Variants in ATP13A4 observed in about 807,000 individuals in gnomAD.
ATP13A4 encodes the protein ATPase 13A4.
In ATP13A4, 114 loss-of-function variants were observed where a neutral mutation model predicts 142.5. That is an observed-to-expected ratio of 0.80 (90% CI 0.69 to 0.93). The LOEUF (loss-of-function observed/expected upper bound fraction) is 0.93. Ranked by LOEUF, ATP13A4 falls within the 40% of genes least tolerant of loss-of-function variation. ATP13A4 has a pLI of 0.00. For missense variants in ATP13A4, 1,392 were observed against 1,454.0 expected, an observed-to-expected ratio of 0.96 and a Z score of 0.69; for synonymous variants, 488 against 514.8, an observed-to-expected ratio of 0.95 and a Z score of 0.70.
At chr3:193,581,248 A>G (rs1040255326) in intron 2 of ATP13A4, among the ~76,000 whole-genome samples, 1 of 152,226 alleles carries the variant, frequency 6.6e-6, no homozygotes, top group African/African-American at 2.4e-5. Context: ...TGTTATTCAC[A>G]ATGTAAAACC....
chr3:193,435,860 G>T (rs1170273091), intron 23 of ATP13A4, 116 bp from the exon 24 acceptor site: 1 of 900,184 alleles, frequency 1.1e-6, no homozygotes, highest in Non-Finnish European at 1.8e-6. Flanking sequence ...TTATACGACT[G>T]TCTGTCTGAA....
chr3:193,576,350 C>A (rs1408344762), intron 2 of ATP13A4, among the ~76,000 whole-genome samples: 1 of 137,854 alleles, frequency 7.3e-6, no homozygotes, highest in Non-Finnish European at 1.5e-5. Flanking sequence ...CGGCTCACTG[C>A]AAGCTCCGCT....
intron 11 of ATP13A4, among the ~76,000 whole-genome samples, chr3:193,465,601 C>T (rs1007976589): frequency 6.2e-4 from 92 of 147,974 alleles, no homozygotes; most frequent in African/African-American, 2.3e-3. Flanking sequence ...CAATAAAAAA[C>T]CCATGTGATT....
At chr3:193,526,978 T>C (rs1317905701) in intron 1 of ATP13A4, among the ~76,000 whole-genome samples, 2 of 152,220 alleles carry the variant, frequency 1.3e-5, no homozygotes, top group Non-Finnish European at 2.9e-5. Context: ...ATGATTGAGA[T>C]CCACTTTTAC....
rs572519990 is a variant in ATP13A4, at chr3:193,409,882, A to T, written c.3297+1100T>A. On this transcript the variant is annotated intron_variant, in intron 28 of 29. Transcript: ENST00000342695. ...AGTCATTCCTTTGTCATTTTTTGAC[A>T]TTCTTTGTGGAAGGCACTGGTAATA... Among the ~76,000 whole-genome samples, 222 of 152,324 alleles carry T rather than the reference A, an allele frequency of 1.5e-3. 1 individual carries two copies. Among genetic ancestry groups the T allele is most frequent in the African/African-American group, 5.2e-3 (216 of 41,578 alleles).
At chr3:193,415,786 T>C (rs1715028930) in intron 25 of ATP13A4, among the ~76,000 whole-genome samples, 1 of 152,130 alleles carries the variant, frequency 6.6e-6, no homozygotes, top group Admixed American at 6.5e-5. Flanking sequence ...AAAATAACCA[T>C]CTAAAGCCTG....
intron 24 of ATP13A4, among the ~76,000 whole-genome samples, chr3:193,435,257 C>CT (rs11391745): frequency 0.73 from 110,133 of 151,540 alleles, 40,363 homozygotes; most frequent in Admixed American, 0.77. Context: ...ATAATCAGGT[C>CT]TTTTTTTTCA....
chr3:193,415,496 C>G (rs896859184), intron 25 of ATP13A4, among the ~76,000 whole-genome samples: 3 of 152,204 alleles, frequency 2.0e-5, no homozygotes, highest in African/African-American at 2.4e-5. Flanking sequence ...TTGATCCACC[C>G]CCTACTCAGC....
chr3:193,568,230 G>A (rs755219125), intron 2 of ATP13A4, among the ~76,000 whole-genome samples: 10 of 152,038 alleles, frequency 6.6e-5, no homozygotes, highest in Non-Finnish European at 1.3e-4. Context: ...CAAAGTGCTG[G>A]GATTACAGGC....
chr3:193,560,587 C>G (rs1723993072), intron 2 of ATP13A4, among the ~76,000 whole-genome samples: 1 of 152,144 alleles, frequency 6.6e-6, no homozygotes, highest in Non-Finnish European at 1.5e-5. Flanking sequence ...ACTTCATTTG[C>G]CAAGCATAGA....
chr3:193,483,799 T>C (rs2108658532), intron 8 of ATP13A4, 137 bp downstream of exon 8: 1 of 818,744 alleles, frequency 1.2e-6, no homozygotes, highest in Middle Eastern at 3.5e-4. Flanking sequence ...AAAACTTAAG[T>C]TCCTCATCCC....
At chr3:193,525,760 T>C (rs2108695744) in intron 1 of ATP13A4, among the ~76,000 whole-genome samples, 1 of 152,288 alleles carries the variant, frequency 6.6e-6, no homozygotes, top group South Asian at 2.1e-4. Flanking sequence ...CCAGAACAAC[T>C]CTGTGTCTAT....
At chr3:193,417,744 G>A (rs568596694) in intron 25 of ATP13A4, among the ~76,000 whole-genome samples, 43 of 137,374 alleles carry the variant, frequency 3.1e-4, no homozygotes, top group Non-Finnish European at 4.6e-4. Flanking sequence ...CCAGCACTTC[G>A]GGAGGCCGAG....
rs566773990 is a variant in ATP13A4, at chr3:193,523,793, C to T, written c.61-8922G>A. Among the ~76,000 whole-genome samples the T allele has an allele frequency of 3.3e-5, 5 of 152,276 alleles. No homozygotes were observed. In the South Asian group the frequency reaches 8.3e-4, roughly 25 times the overall value. ...TCACATCGAAATTTGACCCCCAGTA[C>T]GGCTGTGTTGGGAGGTGGAATCTAG... is the stretch of plus-strand genomic sequence containing the variant. On this transcript the variant is annotated intron_variant, in intron 1 of 29. Transcript: ENST00000342695.
intron 28 of ATP13A4, among the ~76,000 whole-genome samples, chr3:193,407,639 CT>C (rs1166589111): frequency 1.3e-5 from 2 of 152,046 alleles, no homozygotes; most frequent in East Asian, 1.9e-4. Flanking sequence ...CTTCTTTTAT[CT>C]TTTTTTCTTC....
At chr3:193,522,710 C>T (rs919192739) in intron 1 of ATP13A4, among the ~76,000 whole-genome samples, 24 of 152,126 alleles carry the variant, frequency 1.6e-4, no homozygotes, top group Admixed American at 1.6e-3. Flanking sequence ...GTAGGTTCCC[C>T]TTAAACAGGT....
rs1237707419 is a variant in ATP13A4 at position 193,489,851 on chromosome 3, A to C, written c.617T>G (p.Phe206Cys). 1.2e-6 allele frequency: 2 copies of C among 1,612,996 alleles called. No homozygotes were observed. Among genetic ancestry groups the C allele is most frequent in the African/African-American group, 2.7e-5 (2 of 74,882 alleles). Residue 206 changes from phenylalanine to cysteine, a missense_variant, in exon 7 of 30, where the codon TTT becomes TGT. Physicochemically the swap from Phe to Cys is radical, Grantham distance 205 (BLOSUM62 -2). Transcript: ENST00000342695. The part of the protein sequence containing the change: ...KLLIKEVLNP[F>C]YIFQLFSVCL... ...GACACTGAAGAGTTGAAATATATAAAATGGATTTAGAACCTGTTGGCAGAC... is the reference window on the plus strand; with the variant it reads ...GACACTGAAGAGTTGAAATATATAACATGGATTTAGAACCTGTTGGCAGAC...
At position 193,466,036 on chromosome 3, in the gene ATP13A4, C is replaced by G. The variant is rs529422552; in HGVS notation, c.1261G>C (p.Val421Leu). 14 of 1,614,134 alleles carry G rather than the reference C, an allele frequency of 8.7e-6. No individual in the cohort carries two copies. In the South Asian group the frequency reaches 1.5e-4, roughly 18 times the overall value. The change falls in exon 11 of 30, where the codon GTG (valine) becomes CTG (leucine). Residue 421 changes from valine (V) to leucine (L), a missense_variant. Transcript: ENST00000342695. ...CAAAGACAGCTTACCCCACTAAGCA[C>G]ATAGACACACAGAGTATAGATCATC... ...IGMIYTLCVY[V>L]LSGEPPEEVV...
rs1271121044 is a variant in ATP13A4, at chr3:193,503,352, TCA to T, written c.235-715_235-714del. Among the ~76,000 whole-genome samples the T allele has an allele frequency of 2.0e-5, 3 of 152,168 alleles. No individual in the cohort carries two copies. In the East Asian group the frequency reaches 5.8e-4, roughly 29 times the overall value. On this transcript the variant is annotated intron_variant, in intron 2 of 29. Transcript: ENST00000342695. ...TTCCATTTGCAGTTCACTGATTACTTCACACAGAGTAAAATTAGAGGGAGAAG... is the reference window on the plus strand; with the variant it reads ...TTCCATTTGCAGTTCACTGATTACTTCACAGAGTAAAATTAGAGGGAGAAG...
Sources: gnomAD v4.1 joint callset for allele counts (sites outside exome capture counted in the v4.1 genomes callset) on GRCh38, gnomAD v4.1.1 for gene constraint, MANE v1.5 for transcripts, NCBI Gene and HGNC (gene_info 2026-07-23, HGNC 2026-07-21) for gene names.